Variants in SYT16 observed in about 807,000 individuals in gnomAD.
SYT16 encodes the protein synaptotagmin 16.
In SYT16, 42 loss-of-function variants were observed where a neutral mutation model predicts 61.4. The observed-to-expected ratio is 0.68, with a 90% CI of 0.53 to 0.89. The LOEUF (loss-of-function observed/expected upper bound fraction) is 0.89. Ranked by LOEUF, SYT16 falls within the 40% of genes least tolerant of loss-of-function variation. SYT16 has a pLI of 0.00. For synonymous variants in SYT16, 314 were observed against 302.3 expected (o/e 1.04, Z -0.40); for missense variants, 804 against 807.3 (o/e 1.00, Z 0.05).
At chr14:61,992,645 G>A (rs2052599202) in intron 2 of SYT16, among the ~76,000 whole-genome samples, 1 of 151,898 alleles carries the variant, frequency 6.6e-6, no homozygotes, top group South Asian at 2.1e-4. Context: ...TATTATTATT[G>A]TTTTTTTGAG....
At chr14:61,969,185 A>T (rs2051440650) in intron 1 of SYT16, among the ~76,000 whole-genome samples, 1 of 152,328 alleles carries the variant, frequency 6.6e-6, no homozygotes, top group South Asian at 2.1e-4. Flanking sequence ...TGCTCTTAGG[A>T]GATTCATTTT....
At chr14:61,962,812 C>T (rs2051166662) in intron 1 of SYT16, among the ~76,000 whole-genome samples, 1 of 152,016 alleles carries the variant, frequency 6.6e-6, no homozygotes, top group African/African-American at 2.4e-5. Flanking sequence ...GACATTGTAT[C>T]TTCAATTCTA....
intron 1 of SYT16, among the ~76,000 whole-genome samples, chr14:61,889,745 C>T (rs1403315058): frequency 1.3e-5 from 2 of 152,000 alleles, no homozygotes; most frequent in Admixed American, 1.3e-4. Context: ...GAGGCCCTCC[C>T]TCAATGCACC....
intron 3 of SYT16, 139 bp downstream of exon 3, chr14:61,996,681 G>C (rs924037133): frequency 1.9e-6 from 2 of 1,069,672 alleles, no homozygotes; most frequent in Non-Finnish European, 2.6e-6. Flanking sequence ...TTCTGATTGA[G>C]AGATATAATC....
At chr14:62,040,037 T>C (rs1224680362) in intron 3 of SYT16, among the ~76,000 whole-genome samples, 2 of 152,012 alleles carry the variant, frequency 1.3e-5, no homozygotes, top group Non-Finnish European at 2.9e-5. Context: ...TTTTTTTTTT[T>C]CTCTTTTACT....
At chr14:62,044,016 T>C (rs2054858820) in intron 3 of SYT16, among the ~76,000 whole-genome samples, 1 of 152,106 alleles carries the variant, frequency 6.6e-6, no homozygotes, top group African/African-American at 2.4e-5. Flanking sequence ...GACCCTTGAA[T>C]AACATAGATT....
intron 1 of SYT16, among the ~76,000 whole-genome samples, chr14:61,930,735 C>A (rs564176971): frequency 1.3e-5 from 2 of 151,748 alleles, no homozygotes; most frequent in African/African-American, 4.8e-5. Context: ...AATATAATTA[C>A]GAGTCTATGC....
In SYT16 at chr14:62,069,822, T is replaced by G. The variant is rs751227283; in HGVS notation, c.736+7T>G. The stretch of plus-strand genomic sequence containing the variant: ...GAAGTATCTGCCTGCGAAGGTATCC[T>G]TTGCCTCACATCCTTTCTTTAGACC... On this transcript the variant is annotated splice_region_variant and intron_variant, in intron 4 of 7. Coordinates refer to ENST00000683842, the MANE Select transcript of SYT16 (RefSeq NM_001367656.1). 1 of 1,613,300 alleles carries G rather than the reference T, an allele frequency of 6.2e-7. No individual in the cohort carries two copies. Among genetic ancestry groups the G allele is most frequent in the Non-Finnish European group, 8.5e-7 (1 of 1,179,814 alleles).
At chr14:61,901,769 A>AT (rs199994549) in intron 1 of SYT16, among the ~76,000 whole-genome samples, 2,649 of 148,708 alleles carry the variant, frequency 0.018, 44 homozygotes, top group Admixed American at 0.028. Context: ...AATAATTATT[A>AT]TTATTATTAT....
intron 3 of SYT16, among the ~76,000 whole-genome samples, chr14:62,040,430 T>C (rs182727740): frequency 8.3e-4 from 126 of 152,358 alleles, no homozygotes; most frequent in African/African-American, 2.9e-3. Flanking sequence ...TATGTATTTA[T>C]CCACATAGTG....
At chr14:61,938,360 C>T (rs1362646831) in intron 1 of SYT16, among the ~76,000 whole-genome samples, 1 of 152,018 alleles carries the variant, frequency 6.6e-6, no homozygotes, top group Non-Finnish European at 1.5e-5. Flanking sequence ...AGCTGCCCAG[C>T]TTGCCAGATA....
At chr14:61,899,804 A>G (rs986688862) in intron 1 of SYT16, among the ~76,000 whole-genome samples, 4 of 152,134 alleles carry the variant, frequency 2.6e-5, no homozygotes, top group African/African-American at 9.7e-5. Flanking sequence ...AGGTTCCTTT[A>G]TTCTTAACAT....
intron 1 of SYT16, among the ~76,000 whole-genome samples, chr14:61,906,374 C>T (rs1314909482): frequency 6.6e-6 from 1 of 152,192 alleles, no homozygotes; most frequent in Non-Finnish European, 1.5e-5. Context: ...CCTCGAATGC[C>T]TGGGTTCAAG....
At chr14:62,011,474 A>G (rs2053446779) in intron 3 of SYT16, among the ~76,000 whole-genome samples, 1 of 152,180 alleles carries the variant, frequency 6.6e-6, no homozygotes, top group African/African-American at 2.4e-5. Flanking sequence ...CTTGACTTAA[A>G]TTATGTGACA....
chr14:61,957,208 T>A (rs1033021498), intron 1 of SYT16, among the ~76,000 whole-genome samples: 2 of 151,936 alleles, frequency 1.3e-5, no homozygotes, highest in Non-Finnish European at 2.9e-5. Flanking sequence ...TTTATTATTT[T>A]TTTTAAGAGT....
chr14:61,935,160 G>A (rs1321278142), intron 1 of SYT16, among the ~76,000 whole-genome samples: 1 of 152,016 alleles, frequency 6.6e-6, no homozygotes, highest in Non-Finnish European at 1.5e-5. Flanking sequence ...TCCATTGCAG[G>A]CAGTTTGGGT....
chr14:61,939,950 A>C (rs1416570987), intron 1 of SYT16, among the ~76,000 whole-genome samples: 1 of 152,140 alleles, frequency 6.6e-6, no homozygotes, highest in East Asian at 1.9e-4. Context: ...GGCTGATGTC[A>C]TCTGGGGGCT....
At chr14:61,967,409 C>T (rs933802578) in intron 1 of SYT16, among the ~76,000 whole-genome samples, 1 of 152,148 alleles carries the variant, frequency 6.6e-6, no homozygotes, top group Admixed American at 6.5e-5. Context: ...CTTAAGACAA[C>T]AGAAATCTAC....
At chr14:61,905,638 CG>C (rs2048674938) in intron 1 of SYT16, among the ~76,000 whole-genome samples, 1 of 152,176 alleles carries the variant, frequency 6.6e-6, no homozygotes. Flanking sequence ...GTCCACACCC[CG>C]GGTCTCTTTG....
Sources: gnomAD v4.1 joint callset for allele counts (sites outside exome capture counted in the v4.1 genomes callset) on GRCh38, gnomAD v4.1.1 for gene constraint, MANE v1.5 for transcripts, NCBI Gene and HGNC (gene_info 2026-07-23, HGNC 2026-07-21) for gene names.